The following ACTR3B variants were observed in gnomAD, a reference collection of about 807,000 sequenced individuals.
The protein encoded by ACTR3B is actin-related protein 3B.
Under a neutral mutation model 59.0 loss-of-function variants are expected in ACTR3B, and 8 were observed. The ratio of observed to expected loss-of-function variants is 0.14; its 90% CI spans 0.08 to 0.24. ACTR3B has a LOEUF of 0.24. Among genes scored for constraint, ACTR3B ranks in the 10% least tolerant of loss-of-function variants. ACTR3B has a pLI of 1.00. For missense variants in ACTR3B, 245 were observed against 552.3 expected, an observed-to-expected ratio of 0.44 and a Z score of 5.58; for synonymous variants, 148 against 197.9, an observed-to-expected ratio of 0.75 and a Z score of 2.12.
chr7:152,807,618 G>A (rs1028632196), intron 4 of ACTR3B, among the ~76,000 whole-genome samples: 11 of 152,190 alleles, frequency 7.2e-5, no homozygotes, highest in African/African-American at 2.2e-4. Flanking sequence ...TGTCAGCACC[G>A]CGCAAGAGGC....
At chr7:152,827,935 C>T (rs1212968289) in intron 9 of ACTR3B, among the ~76,000 whole-genome samples, 1 of 150,058 alleles carries the variant, frequency 6.7e-6, no homozygotes, top group African/African-American at 2.4e-5. Flanking sequence ...GGGAGTTGGC[C>T]AACTTTTTCT....
intron 4 of ACTR3B, among the ~76,000 whole-genome samples, chr7:152,807,863 T>C (rs1174327980): frequency 1.3e-5 from 2 of 152,222 alleles, no homozygotes; most frequent in Non-Finnish European, 2.9e-5. Flanking sequence ...TTGTTTTTAC[T>C]TAACTTTTTT....
intron 1 of ACTR3B, among the ~76,000 whole-genome samples, chr7:152,766,791 T>C (rs2098111767): frequency 6.6e-6 from 1 of 152,150 alleles, no homozygotes; most frequent in Non-Finnish European, 1.5e-5. Flanking sequence ...CTTCTTTTTC[T>C]TTTCTGTTTT....
intron 2 of ACTR3B, among the ~76,000 whole-genome samples, chr7:152,791,910 G>A (rs1459946372): frequency 2.0e-5 from 3 of 151,788 alleles, no homozygotes; most frequent in Non-Finnish European, 4.4e-5. Flanking sequence ...GCCTTTTTTT[G>A]GGACAGAATC....
intron 9 of ACTR3B, among the ~76,000 whole-genome samples, chr7:152,846,237 G>A (rs1056191475): frequency 2.0e-5 from 3 of 149,018 alleles, no homozygotes; most frequent in Admixed American, 6.7e-5. Context: ...GTGAGCTCTA[G>A]TGCCCGGGCT....
chr7:152,786,954 G>A (rs1450540537), intron 2 of ACTR3B, among the ~76,000 whole-genome samples: 1 of 151,886 alleles, frequency 6.6e-6, no homozygotes, highest in Non-Finnish European at 1.5e-5. Flanking sequence ...TTTCCTTTTG[G>A]GCATTTTTCA....
rs1798053845 is a variant in ACTR3B at position 152,843,794 on chromosome 7, A to G, written c.952-8332A>G. ...CAGATTAAAGTTTTGTATTAATGTT[A>G]AGTTTATGAAGTTGGCAGTTGTACT... On this transcript the variant is annotated intron_variant, in intron 9 of 11. Coordinates refer to ENST00000256001, the MANE Select transcript of ACTR3B (RefSeq NM_020445.6). 2.0e-5 allele frequency among the ~76,000 whole-genome samples: 3 copies of G among 152,236 alleles called. No homozygotes were observed. In the South Asian group the frequency reaches 6.2e-4, roughly 32 times the overall value.
At chr7:152,789,064 A>AACAACAACAACAACAACAACAAC (rs374527960) in intron 2 of ACTR3B, among the ~76,000 whole-genome samples, 2 of 137,848 alleles carry the variant, frequency 1.5e-5, no homozygotes, top group African/African-American at 5.7e-5. Context: ...CAGCAACAAC[A>AACAACAACAACAACAACAACAAC]AACAACAACA....
intron 2 of ACTR3B, among the ~76,000 whole-genome samples, chr7:152,794,543 A>T (rs1261842609): frequency 6.6e-6 from 1 of 152,152 alleles, no homozygotes; most frequent in Non-Finnish European, 1.5e-5. Context: ...TATTGACTTG[A>T]CAGTTTAATT....
At chr7:152,799,710 G>A (rs947566080) in intron 2 of ACTR3B, among the ~76,000 whole-genome samples, 1 of 152,172 alleles carries the variant, frequency 6.6e-6, no homozygotes, top group Non-Finnish European at 1.5e-5. Flanking sequence ...GGTTGTCAAG[G>A]AAGCCTTCAA....
At chr7:152,830,587 C>T (rs113214836) in intron 9 of ACTR3B, among the ~76,000 whole-genome samples, 1 of 152,188 alleles carries the variant, frequency 6.6e-6, no homozygotes. Flanking sequence ...CTTGCTCTGT[C>T]GCCCACGCTG....
At position 152,823,260 on chromosome 7, in the gene ACTR3B, A is replaced by G. The variant is rs1257570708; in HGVS notation, c.685-82A>G. ...TTCTGATCCCAGGGTGTGTTTGCTCATGGGCTTCCTGGTTATTTGTCTGAG... is the reference window on the plus strand; with the variant it reads ...TTCTGATCCCAGGGTGTGTTTGCTCGTGGGCTTCCTGGTTATTTGTCTGAG... On this transcript the variant is annotated intron_variant, in intron 7 of 11. Transcript: ENST00000256001. The G allele has an allele frequency of 2.5e-5, 39 of 1,569,900 alleles. No individual in the cohort carries two copies. In the East Asian group the frequency reaches 7.2e-4, roughly 29 times the overall value.
rs759034106 is a variant in ACTR3B at position 152,853,584 on chromosome 7, C to G, written c.1161+7C>G. On this transcript the variant is annotated splice_region_variant and intron_variant, in intron 11 of 11. Coordinates refer to ENST00000256001, the MANE Select transcript of ACTR3B (RefSeq NM_020445.6). Reference sequence around the variant, plus strand: ...CTCCATGCTGGCCTCGACTGTAAGTCCCTCTCTCGAGGGCTCTGTGTCTCC... The same window carrying G: ...CTCCATGCTGGCCTCGACTGTAAGTGCCTCTCTCGAGGGCTCTGTGTCTCC... 1 of 1,611,992 alleles carries G rather than the reference C, an allele frequency of 6.2e-7. No homozygotes were observed. The highest frequency in any genetic ancestry group is 8.5e-7 in the Non-Finnish European group (1 of 1,178,984).
chr7:152,843,965 C>T (rs891340607), intron 9 of ACTR3B, among the ~76,000 whole-genome samples: 25 of 151,944 alleles, frequency 1.6e-4, no homozygotes, highest in Admixed American at 1.2e-3. Context: ...TGCATGCAAA[C>T]GATAAATAAA....
intron 1 of ACTR3B, among the ~76,000 whole-genome samples, chr7:152,774,439 A>AT (rs11351793): frequency 3.0e-4 from 45 of 148,796 alleles, no homozygotes; most frequent in East Asian, 1.2e-3. Flanking sequence ...CCTGGCCTAC[A>AT]TTTTTTTTTT....
intron 1 of ACTR3B, among the ~76,000 whole-genome samples, chr7:152,775,190 C>CA (rs67260503): frequency 0.08 from 3,403 of 42,458 alleles, 435 homozygotes; most frequent in African/African-American, 0.23. Context: ...AACCCTGTCT[C>CA]AAAAAAAAAA....
chr7:152,853,653 A>C lies in ACTR3B; in HGVS notation c.1161+76A>C, dbSNP rs1799022726. On this transcript the variant is annotated intron_variant, in intron 11 of 11. Coordinates refer to ENST00000256001, the MANE Select transcript of ACTR3B (RefSeq NM_020445.6). ...GAGTTTGGGTAAATACTGTCTACGA[A>C]GGTGAAATAGTGTGTGCCCTAATCG... is the stretch of plus-strand genomic sequence containing the variant. 6.3e-6 allele frequency: 8 copies of C among 1,274,486 alleles called. No individual in the cohort carries two copies. In the East Asian group the frequency reaches 2.0e-4, roughly 32 times the overall value. 78.9% of individuals were successfully genotyped at this position (1,274,486 alleles called of 1,614,324 possible). A position where few individuals can be genotyped will look rare whatever the true frequency, so the allele number is the denominator to read the frequency against.
intron 9 of ACTR3B, among the ~76,000 whole-genome samples, chr7:152,847,991 CAGGG>C (rs910947654): frequency 2.0e-5 from 3 of 152,230 alleles, no homozygotes; most frequent in Admixed American, 2.0e-4. Context: ...GCTGAGCAGA[CAGGG>C]AGCACTCCCC....
chr7:152,849,281 G>A (rs953640744), intron 9 of ACTR3B, among the ~76,000 whole-genome samples: 12 of 152,164 alleles, frequency 7.9e-5, no homozygotes, highest in South Asian at 2.1e-4. Context: ...CTATGCTCAG[G>A]GCTGTTCCCT....
Sources: gnomAD v4.1 joint callset for allele counts (sites outside exome capture counted in the v4.1 genomes callset) on GRCh38, gnomAD v4.1.1 for gene constraint, MANE v1.5 for transcripts, NCBI Gene and HGNC (gene_info 2026-07-23, HGNC 2026-07-21) for gene names.